Variants in FAM114A1 observed in about 807,000 individuals in gnomAD.
FAM114A1 encodes the protein protein NOXP20.
FAM114A1 carries 62 observed loss-of-function variants against 64.3 expected under a neutral mutation model. The ratio of observed to expected loss-of-function variants is 0.96; its 90% confidence interval spans 0.79 to 1.19. FAM114A1 has a LOEUF of 1.19. FAM114A1 is among the 50% of genes most tolerant of loss of function. FAM114A1 has a pLI of 0.00. For missense variants in FAM114A1, 645 were observed against 676.3 expected (o/e 0.95, Z 0.51); for synonymous variants, 254 against 251.1 (o/e 1.01, Z -0.11).
rs779949728 is a variant in FAM114A1, at chr4:38,935,700, T to A, written c.1464-18T>A. On this transcript the variant is annotated intron_variant, in intron 12 of 14. Transcript: ENST00000358869. The stretch of plus-strand genomic sequence containing the variant: ...CCTTATTGAAAACATCCAAGCTTTT[T>A]TTTTTTTCTTCTTTCAGATTAACTA... 1 of 1,555,522 alleles carries A rather than the reference T, an allele frequency of 6.4e-7. No individual in the cohort carries two copies. Among genetic ancestry groups the A allele is most frequent in the African/African-American group, 1.4e-5 (1 of 71,788 alleles).
chr4:38,911,861 CTT>C (rs375816760), intron 7 of FAM114A1, among the ~76,000 whole-genome samples: 249 of 53,996 alleles, frequency 4.6e-3, no homozygotes, highest in African/African-American at 0.013. Context: ...TTTCTTTTTT[CTT>C]TTTTTTTTTT....
Position 38,932,110 on chromosome 4 carries a change from G to A in FAM114A1, c.1324-125G>A, listed in dbSNP as rs1720692964. On this transcript the variant is annotated intron_variant, in intron 11 of 14. Transcript: ENST00000358869. Reference sequence around the variant, plus strand: ...TCTTAGATATGCTTGTAATCATCAGGTTAACTATTTCGGGTTATATTTGGG... The same window carrying A: ...TCTTAGATATGCTTGTAATCATCAGATTAACTATTTCGGGTTATATTTGGG... The A allele has an allele frequency of 7.3e-6, 8 of 1,094,884 alleles. No individual in the cohort carries two copies. In the South Asian group the frequency reaches 1.2e-4, roughly 16 times the overall value. The allele number at this position is 1,094,884 out of a possible 1,614,324, so 67.8% of individuals were successfully genotyped here. A position where few individuals can be genotyped will look rare whatever the true frequency, so the allele number is the denominator to read the frequency against.
intron 2 of FAM114A1, among the ~76,000 whole-genome samples, chr4:38,874,029 T>A (rs1458935794): frequency 1.3e-5 from 2 of 152,134 alleles, no homozygotes; most frequent in African/African-American, 4.8e-5. Flanking sequence ...AGTAAAAGAA[T>A]GTAGATAGAT....
Position 38,915,043 on chromosome 4 carries a change from G to A in FAM114A1, c.915G>A (p.Leu305=), listed in dbSNP as rs758548831. 1.2e-6 allele frequency: 2 copies of A among 1,614,112 alleles called. No homozygotes were observed. Among genetic ancestry groups the A allele is most frequent in the South Asian group, 2.2e-5 (2 of 91,072 alleles). The change falls in exon 8 of 15, where the codon CTG becomes CTA. Residue 305 remains leucine, a synonymous_variant. Coordinates refer to ENST00000358869, the MANE Select transcript of FAM114A1 (RefSeq NM_138389.4). ...AAGGCTTGTCACACCTGGAAGCCCT[G>A]GAAATTCTGTCCAATGAAAGCGAAA... is the stretch of plus-strand genomic sequence containing the variant. The part of the protein sequence containing the change: ...EYQGLSHLEA[L]EILSNESESK...
chr4:38,896,950 T>C (rs1278127494), intron 4 of FAM114A1, among the ~76,000 whole-genome samples: 4 of 152,264 alleles, frequency 2.6e-5, no homozygotes, highest in South Asian at 2.1e-4. Context: ...GCAAAACATA[T>C]AGACATTAAC....
chr4:38,883,274 G>A (rs1249103174), intron 3 of FAM114A1, among the ~76,000 whole-genome samples: 1 of 152,150 alleles, frequency 6.6e-6, no homozygotes, highest in Admixed American at 6.5e-5. Flanking sequence ...GCACAAGGGA[G>A]GCTTTAGACA....
intron 6 of FAM114A1, among the ~76,000 whole-genome samples, chr4:38,906,393 C>T (rs1004559965): frequency 1.3e-5 from 2 of 152,150 alleles, no homozygotes; most frequent in Non-Finnish European, 2.9e-5. Context: ...AAGTGTATCC[C>T]CCTAGATCCC....
At chr4:38,940,901 C>T (rs375199937) in intron 13 of FAM114A1, 67 bp from the exon 14 acceptor site, 1 of 1,516,778 alleles carries the variant, frequency 6.6e-7, no homozygotes, top group Admixed American at 1.7e-5. Flanking sequence ...TAGTGTATTA[C>T]ATTTTACGTG....
rs1720716208 is a variant in FAM114A1 at position 38,932,298 on chromosome 4, C to T, written c.1387C>T (p.His463Tyr). The T allele has an allele frequency of 6.2e-7, 1 of 1,613,898 alleles. No individual in the cohort carries two copies. Among genetic ancestry groups the T allele is most frequent in the African/African-American group, 1.3e-5 (1 of 74,990 alleles). ...EVTARCIEQL[H>Y]KVAELILHGQ... is the part of the protein sequence containing the mutation. The stretch of plus-strand genomic sequence containing the variant: ...AACAGCGCGCTGTATTGAGCAGCTT[C>T]ATAAAGTAGCAGAATTAATTCTTCA... The change falls in exon 12 of 15, where the codon CAT becomes TAT. Residue 463 changes from histidine to tyrosine, a missense_variant. By Grantham distance (83) the His-to-Tyr change is moderately conservative. Coordinates refer to ENST00000358869, the MANE Select transcript of FAM114A1 (RefSeq NM_138389.4).
chr4:38,878,084 T>C lies in FAM114A1; in HGVS notation c.6T>C (p.Ser2=). Residue 2 remains serine, a synonymous_variant, in exon 3 of 15, where the codon TCT becomes TCC. Transcript: ENST00000358869. M[S]DDAGDTLATG... ...TTGTGTTGACAGATACTAAAATGTC[T>C]GATGATGCTGGTGACACCTTAGCCA... 6.2e-7 allele frequency: 1 copy of C among 1,602,434 alleles called. No individual in the cohort carries two copies. Among genetic ancestry groups the C allele is most frequent in the Non-Finnish European group, 8.5e-7 (1 of 1,172,604 alleles).
In FAM114A1 at chr4:38,895,386, G is replaced by A. The variant is rs561649164; in HGVS notation, c.436+3556G>A. Among the ~76,000 whole-genome samples the A allele has an allele frequency of 2.1e-3, 316 of 152,284 alleles. 2 individuals are homozygous for A. Among genetic ancestry groups the A allele is most frequent in the African/African-American group, 7.2e-3 (300 of 41,550 alleles). ...CTCATGCTTCAAATCGCTACCTTCA[G>A]GAAGGGCCCCTTTGTTTTAAAGACG... On this transcript the variant is annotated intron_variant, in intron 4 of 14. Transcript: ENST00000358869.
Position 38,928,681 on chromosome 4 carries a change from G to C in FAM114A1, c.1070-561G>C, listed in dbSNP as rs117290084. 1.2e-3 allele frequency among the ~76,000 whole-genome samples: 180 copies of C among 152,278 alleles called. 4 individuals are homozygous for C. In the East Asian group the frequency reaches 0.033, roughly 28 times the overall value. On this transcript the variant is annotated intron_variant, in intron 9 of 14. Transcript: ENST00000358869. ...GGGTGAAAGGAAGACAGATCATTAAGAAATATTGTAGGACCAGCCAGGTAT... is the reference window on the plus strand; with the variant it reads ...GGGTGAAAGGAAGACAGATCATTAACAAATATTGTAGGACCAGCCAGGTAT...
intron 9 of FAM114A1, among the ~76,000 whole-genome samples, chr4:38,924,681 G>A (rs961414254): frequency 3.3e-5 from 5 of 152,190 alleles, no homozygotes; most frequent in African/African-American, 4.8e-5. Flanking sequence ...TTGAGCATTA[G>A]TATGTTCCTC....
rs200349145 is a variant in FAM114A1 at position 38,906,544 on chromosome 4, G to GT, written c.657+690dup. Among the ~76,000 whole-genome samples, 613 of 152,132 alleles carry GT rather than the reference G, an allele frequency of 4.0e-3. 4 individuals carry two copies. The highest frequency in any genetic ancestry group is 0.038 in the South Asian group (185 of 4,810). On this transcript the variant is annotated intron_variant, in intron 6 of 14. Coordinates refer to ENST00000358869, the MANE Select transcript of FAM114A1 (RefSeq NM_138389.4). ...AAAGATTTATTTTGTTTTTTCTTTT[G>GT]TTTTTTTGAGATGGAGTCTCACTCT...
intron 2 of FAM114A1, among the ~76,000 whole-genome samples, chr4:38,874,367 G>A (rs946646053): frequency 5.9e-5 from 9 of 152,210 alleles, no homozygotes; most frequent in African/African-American, 2.2e-4. Flanking sequence ...GAAAATCTAT[G>A]TGTGAGATGG....
intron 2 of FAM114A1, among the ~76,000 whole-genome samples, chr4:38,870,545 C>T (rs180696372): frequency 4.6e-5 from 7 of 152,274 alleles, no homozygotes; most frequent in African/African-American, 1.4e-4. Context: ...AATTTACTCA[C>T]GAAAAACTAA....
chr4:38,922,453 T>C (rs1328330552), intron 8 of FAM114A1, among the ~76,000 whole-genome samples: 1 of 152,206 alleles, frequency 6.6e-6, no homozygotes, highest in East Asian at 1.9e-4. Context: ...AACTGCGTTT[T>C]TAACCACTGT....
intron 9 of FAM114A1, among the ~76,000 whole-genome samples, chr4:38,928,765 A>T (rs1720366774): frequency 6.6e-6 from 1 of 152,212 alleles, no homozygotes; most frequent in African/African-American, 2.4e-5. Flanking sequence ...CGGTTTATTC[A>T]GCACTGTGGC....
intron 3 of FAM114A1, among the ~76,000 whole-genome samples, chr4:38,887,002 GAGAGTAAAA>G (rs1209640595): frequency 1.6e-4 from 24 of 152,028 alleles, no homozygotes; most frequent in Non-Finnish European, 2.6e-4. Context: ...AAAGCTAGGA[GAGAGTAAAA>G]CCAACCTAAC....
Sources: gnomAD v4.1 joint callset for allele counts (sites outside exome capture counted in the v4.1 genomes callset) on GRCh38, gnomAD v4.1.1 for gene constraint, MANE v1.5 for transcripts, NCBI Gene and HGNC (gene_info 2026-07-23, HGNC 2026-07-21) for gene names.